The following SOBP variants were observed in gnomAD, a reference collection of about 807,000 sequenced individuals.
SOBP encodes the protein sine oculis binding protein homolog.
In SOBP, 4 loss-of-function variants were observed where a neutral mutation model predicts 53.6. That is an observed-to-expected ratio of 0.07 (90% CI 0.04 to 0.17). SOBP has a LOEUF of 0.17. Ranked by LOEUF, SOBP falls within the 10% of genes least tolerant of loss-of-function variation. The probability of loss-of-function intolerance (pLI) is 1.00; values close to 1 mark genes in which losing one functional copy is unlikely to be tolerated. For missense variants in SOBP, 1,088 were observed against 1,204.7 expected (o/e 0.90, Z 1.43); for synonymous variants, 584 against 522.6 (o/e 1.12, Z -1.60).
At chr6:107,602,568 T>TAAAAAAAAAAAAAAAAA (rs71810335) in intron 5 of SOBP, among the ~76,000 whole-genome samples, 14 of 102,770 alleles carry the variant, frequency 1.4e-4, no homozygotes, top group African/African-American at 5.1e-4. Context: ...TAAGCCGCGT[T>TAAAAAAAAAAAAAAAAA]AAAAAAAAAA....
At chr6:107,573,856 T>C (rs906423626) in intron 4 of SOBP, among the ~76,000 whole-genome samples, 2 of 152,238 alleles carry the variant, frequency 1.3e-5, no homozygotes, top group Non-Finnish European at 2.9e-5. Context: ...CCAGATTGTG[T>C]ATGAATAGAG....
At chr6:107,498,367 A>G (rs1463747643) in intron 1 of SOBP, among the ~76,000 whole-genome samples, 1 of 152,206 alleles carries the variant, frequency 6.6e-6, no homozygotes, top group Admixed American at 6.5e-5. Flanking sequence ...AAGGCCTGGT[A>G]TGAAAAAATC....
chr6:107,616,100 GGGC>G (rs2115110616), intron 5 of SOBP, among the ~76,000 whole-genome samples: 1 of 134,670 alleles, frequency 7.4e-6, no homozygotes, highest in Non-Finnish European at 1.6e-5. Flanking sequence ...GGGGGCGGGG[GGGC>G]GGCTTCAGCC....
At chr6:107,627,255 G>A (rs1240592670) in intron 5 of SOBP, among the ~76,000 whole-genome samples, 3 of 152,178 alleles carry the variant, frequency 2.0e-5, no homozygotes, top group Non-Finnish European at 4.4e-5. Context: ...TGGGCCTGCA[G>A]TCACTGAATA....
At chr6:107,580,994 G>T (rs1256766336) in intron 4 of SOBP, among the ~76,000 whole-genome samples, 1 of 152,208 alleles carries the variant, frequency 6.6e-6, no homozygotes, top group African/African-American at 2.4e-5. Context: ...AGCGTTAAAG[G>T]ATAGAAACCC....
chr6:107,537,639 C>T (rs946735059), intron 4 of SOBP, among the ~76,000 whole-genome samples: 10 of 151,918 alleles, frequency 6.6e-5, no homozygotes, highest in African/African-American at 9.7e-5. Context: ...TGAGCAATAG[C>T]GCGAGACCCT....
intron 6 of SOBP, among the ~76,000 whole-genome samples, chr6:107,648,145 A>G (rs1208905389): frequency 6.6e-6 from 1 of 152,180 alleles, no homozygotes; most frequent in Non-Finnish European, 1.5e-5. Flanking sequence ...TGCCACATGA[A>G]GCTGCTTTTT....
At chr6:107,561,701 A>G (rs1352346008) in intron 4 of SOBP, among the ~76,000 whole-genome samples, 2 of 152,264 alleles carry the variant, frequency 1.3e-5, no homozygotes, top group African/African-American at 4.8e-5. Context: ...TTCTGAAACA[A>G]GACAAATTAT....
chr6:107,548,523 T>TG (rs780345938), intron 4 of SOBP, among the ~76,000 whole-genome samples: 24 of 152,278 alleles, frequency 1.6e-4, no homozygotes, highest in Middle Eastern at 3.4e-3. Flanking sequence ...ATTACAGGCG[T>TG]GAGCCACCGC....
chr6:107,592,982 A>G lies in SOBP; in HGVS notation c.669+5807A>G, dbSNP rs565269549. On this transcript the variant is annotated intron_variant, in intron 5 of 6. Transcript: ENST00000317357. ...ACCATCTAGACTTTAATACAGGCAG[A>G]AGGGATGGATTCCACTTGAGTCATA... Among the ~76,000 whole-genome samples, 7 of 152,344 alleles carry G rather than the reference A, an allele frequency of 4.6e-5. 1 individual carries two copies. In the South Asian group the frequency reaches 1.4e-3, roughly 32 times the overall value.
At chr6:107,612,121 A>T (rs1349658779) in intron 5 of SOBP, among the ~76,000 whole-genome samples, 1 of 152,212 alleles carries the variant, frequency 6.6e-6, no homozygotes, top group Non-Finnish European at 1.5e-5. Flanking sequence ...ATTTCTGAGG[A>T]CAAGACCTGG....
At chr6:107,535,475 A>C (rs1309194448) in intron 4 of SOBP, among the ~76,000 whole-genome samples, 1 of 152,148 alleles carries the variant, frequency 6.6e-6, no homozygotes, top group Non-Finnish European at 1.5e-5. Context: ...CTAAACCTGG[A>C]AGTTGCAGCA....
rs113007097 is a variant in SOBP, at chr6:107,498,307, C to T, written c.97-5350C>T. 8.6e-3 allele frequency among the ~76,000 whole-genome samples: 1,304 copies of T among 152,252 alleles called. 18 individuals carry two copies. Among genetic ancestry groups the T allele is most frequent in the African/African-American group, 0.026 (1,071 of 41,520 alleles). On this transcript the variant is annotated intron_variant, in intron 1 of 6. Transcript: ENST00000317357. ...TTGGGGGCTCTTTGAATACTTCCTGCTGTCTTGGGTAGAATACAAATTTGA... is the reference window on the plus strand; with the variant it reads ...TTGGGGGCTCTTTGAATACTTCCTGTTGTCTTGGGTAGAATACAAATTTGA...
intron 4 of SOBP, among the ~76,000 whole-genome samples, chr6:107,545,596 T>G (rs571014401): frequency 6.6e-6 from 1 of 152,334 alleles, no homozygotes; most frequent in African/African-American, 2.4e-5. Flanking sequence ...AGATTTTATC[T>G]TCCTGGGTCT....
intron 1 of SOBP, 75 bp downstream of exon 1, chr6:107,490,787 C>G (rs879319584): frequency 8.6e-7 from 1 of 1,157,542 alleles, no homozygotes; most frequent in Non-Finnish European, 1.3e-6. Context: ...TGGTATGGAT[C>G]TGGGGGGTAC....
chr6:107,551,747 G>A (rs920346682), intron 4 of SOBP, among the ~76,000 whole-genome samples: 2 of 152,178 alleles, frequency 1.3e-5, no homozygotes, highest in South Asian at 2.1e-4. Context: ...GGGGCTGGGC[G>A]CAGTGGCTCA....
chr6:107,577,416 A>C (rs1046356188), intron 4 of SOBP, among the ~76,000 whole-genome samples: 2 of 152,240 alleles, frequency 1.3e-5, no homozygotes, highest in African/African-American at 2.4e-5. Context: ...AATCACCACA[A>C]GGTGGGCAGG....
At chr6:107,549,159 C>T (rs1473625156) in intron 4 of SOBP, among the ~76,000 whole-genome samples, 1 of 151,784 alleles carries the variant, frequency 6.6e-6, no homozygotes, top group Admixed American at 6.6e-5. Flanking sequence ...CCCAGCTACT[C>T]GGGAAGCTGA....
intron 5 of SOBP, among the ~76,000 whole-genome samples, chr6:107,607,674 G>C (rs994484105): frequency 2.0e-5 from 3 of 152,168 alleles, no homozygotes; most frequent in African/African-American, 7.2e-5. Context: ...GTGTGCATGT[G>C]AGGAGTATGT....
Sources: allele counts gnomAD v4.1 joint callset (sites outside exome capture counted in the v4.1 genomes callset), GRCh38; gene constraint gnomAD v4.1.1; transcripts MANE v1.5; gene names NCBI Gene and HGNC (gene_info 2026-07-23, HGNC 2026-07-21).